Variants in OR4C11 observed in about 807,000 individuals in gnomAD.
OR4C11 encodes olfactory receptor 4C11.
A neutral mutation model predicts 14.7 loss-of-function variants in OR4C11; 15 were observed. That is an observed-to-expected ratio of 1.02 (90% CI 0.68 to 1.58). The LOEUF (loss-of-function observed/expected upper bound fraction) is 1.58. Ranked by LOEUF, OR4C11 falls within the 40% of genes most tolerant of loss-of-function variation. The pLI, the probability that OR4C11 is intolerant of heterozygous loss-of-function variation, is 0.00. For missense variants in OR4C11, 473 were observed against 383.0 expected, an observed-to-expected ratio of 1.24 and a Z score of -1.96; for synonymous variants, 146 against 135.0, an observed-to-expected ratio of 1.08 and a Z score of -0.57.
rs771018263 is a variant in OR4C11 at position 55,604,165 on chromosome 11, C to T, written c.209G>A (p.Cys70Tyr). 8.2e-6 allele frequency: 12 copies of T among 1,470,524 alleles called. 1 individual carries two copies. The African/African-American group carries it at 1.5e-4, about 19-fold the overall frequency. The allele number at this position is 1,470,524 out of a possible 1,614,324, so 91.1% of individuals were successfully genotyped here. ...TCTAGGGGCTGTGGAAGTTGAAAAG[C>T]AAGAATCTGCAAAGGACAAATAAAA... is the stretch of plus-strand genomic sequence containing the variant. ...FLFYLSFADSCFSTSTAPRLI... is the reference protein window; with the variant it reads ...FLFYLSFADSYFSTSTAPRLI... Residue 70 changes from cysteine (C) to tyrosine (Y), a missense_variant, in exon 4 of 4, where the codon TGC becomes TAC. By Grantham distance (194) the Cys-to-Tyr change is radical (BLOSUM62 -2). Transcript: ENST00000641580.
Position 55,604,222 on chromosome 11 carries a change from C to G in OR4C11, c.152G>C (p.Arg51Pro). Reference sequence around the variant, plus strand: ...GAAGTACATGGGGCTTCCTAGTGTCCGGCTGGACTTGATGGTCACAATAAT... The same window carrying G: ...GAAGTACATGGGGCTTCCTAGTGTCGGGCTGGACTTGATGGTCACAATAAT... ...MLIIVTIKSS[R>P]TLGSPMYFFL... Residue 51 changes from arginine (R) to proline (P), a missense_variant, in exon 4 of 4, where the codon CGG (arginine) becomes CCG (proline). Physicochemically the swap from Arg to Pro is moderately radical, Grantham distance 103. Transcript: ENST00000641580. 2.0e-6 allele frequency: 3 copies of G among 1,479,466 alleles called. No homozygotes were observed. Among genetic ancestry groups the G allele is most frequent in the East Asian group, 2.6e-5 (1 of 38,728 alleles). 91.6% of individuals were successfully genotyped at this position (1,479,466 alleles called of 1,614,324 possible). A position where few individuals can be genotyped will look rare whatever the true frequency, so the allele number is the denominator to read the frequency against.
chr11:55,604,974 A>G (rs1857941179), intron 3 of OR4C11, among the ~76,000 whole-genome samples, 152 bp downstream of exon 3: 1 of 138,254 alleles, frequency 7.2e-6, no homozygotes. Flanking sequence ...ATTTACATGT[A>G]TGTGGGTGTG....
intron 2 of OR4C11, among the ~76,000 whole-genome samples, chr11:55,605,594 A>T (rs1310822602): frequency 7.2e-6 from 1 of 138,842 alleles, no homozygotes; most frequent in African/African-American, 2.5e-5. Context: ...AAAAATTAAA[A>T]GGGAAGTGTC....
In OR4C11 at chr11:55,604,375, G is replaced by C; in HGVS notation, c.-2C>G. On this transcript the variant is annotated 5_prime_UTR_variant, in exon 4 of 4. Coordinates refer to ENST00000641580, the MANE Select transcript of OR4C11 (RefSeq NM_001004700.3). The stretch of plus-strand genomic sequence containing the variant: ...AGGCACACTGTTATTTTGCTGCATT[G>C]TTTCAGTTGATGTGAAGAAACCACA... The C allele has an allele frequency of 2.4e-6, 3 of 1,240,424 alleles. 1 individual carries two copies. 76.8% of individuals were successfully genotyped at this position (1,240,424 alleles called of 1,614,324 possible).
At position 55,603,033 on chromosome 11, in the gene OR4C11, TG is replaced by T; in HGVS notation, c.*407del. On this transcript the variant is annotated 3_prime_UTR_variant, in exon 4 of 4. Coordinates refer to ENST00000641580, the MANE Select transcript of OR4C11 (RefSeq NM_001004700.3). ...AGTTCACAACCAGCAATGGCAGAATTGGGCTCTTAGGAAAAGGAAGAGCCAA... is the reference window on the plus strand; with the variant it reads ...AGTTCACAACCAGCAATGGCAGAATTGGCTCTTAGGAAAAGGAAGAGCCAA... The T allele has an allele frequency of 6.9e-6, 1 of 145,260 alleles. No individual in the cohort carries two copies. The highest frequency in any genetic ancestry group is 1.5e-5 in the Non-Finnish European group (1 of 66,340). The allele number at this position is 145,260 out of a possible 1,614,324, so 9.0% of individuals were successfully genotyped here.
At chr11:55,605,535 A>T (rs1046274372) in intron 2 of OR4C11, among the ~76,000 whole-genome samples, 1 of 138,700 alleles carries the variant, frequency 7.2e-6, no homozygotes, top group Non-Finnish European at 1.6e-5. Context: ...TATTGAACAA[A>T]TTTTTCCATA....
rs1857935259 is a variant in OR4C11, at chr11:55,604,464, C to T, written c.-44-47G>A. On this transcript the variant is annotated intron_variant, in intron 3 of 3. Coordinates refer to ENST00000641580, the MANE Select transcript of OR4C11 (RefSeq NM_001004700.3). The stretch of plus-strand genomic sequence containing the variant: ...AGATTCTAAATTTAGAGGTCAAATA[C>T]ATATTCTTGCAATGAAATTGCAACT... 3.0e-5 allele frequency: 16 copies of T among 528,066 alleles called. 2 individuals carry two copies. The highest frequency in any genetic ancestry group is 4.4e-5 in the Non-Finnish European group (14 of 320,086). The allele number at this position is 528,066 out of a possible 1,614,324, so 32.7% of individuals were successfully genotyped here.
rs1857938810 is a variant in OR4C11 at position 55,604,731 on chromosome 11, G to A, written c.-44-314C>T. Among the ~76,000 whole-genome samples the A allele has an allele frequency of 1.5e-5, 2 of 137,722 alleles. 1 individual carries two copies. The highest frequency in any genetic ancestry group is 3.2e-5 in the Non-Finnish European group (2 of 61,920). The allele number at this position is 137,722 out of a possible 152,430, so 90.4% of individuals were successfully genotyped here. On this transcript the variant is annotated intron_variant, in intron 3 of 3. Transcript: ENST00000641580. ...CAAACAAAGTAAACATTAATTTAGG[G>A]GTTTGGTATGAGTAGGTGTCTTCTG... is the stretch of plus-strand genomic sequence containing the variant.
chr11:55,604,982 G>A (rs1857941325), intron 3 of OR4C11, 144 bp downstream of exon 3: 1 of 137,904 alleles, frequency 7.3e-6, no homozygotes, highest in African/African-American at 2.5e-5. Flanking sequence ...GTATGTGGGT[G>A]TGTGTGCACA....
Position 55,604,340 on chromosome 11 carries a change from G to C in OR4C11, c.34C>G (p.Leu12Val). The C allele has an allele frequency of 7.2e-7, 1 of 1,391,104 alleles. No individual in the cohort carries two copies. Among genetic ancestry groups the C allele is most frequent in the South Asian group, 1.3e-5 (1 of 76,096 alleles). 86.2% of individuals were successfully genotyped at this position (1,391,104 alleles called of 1,614,324 possible). A position where few individuals can be genotyped will look rare whatever the true frequency, so the allele number is the denominator to read the frequency against. ...AAGGGATCCTGTGTTAATCCTAACA[G>C]TATGAATTCAGGCACACTGTTATTT... ...QQNNSVPEFI[L>V]LGLTQDPLRQ... Residue 12 changes from leucine to valine, a missense_variant, in exon 4 of 4, where the codon CTG becomes GTG. Leu to Val is a conservative substitution (Grantham distance 32). Coordinates refer to ENST00000641580, the MANE Select transcript of OR4C11 (RefSeq NM_001004700.3).
chr11:55,603,418 A>G lies in OR4C11; in HGVS notation c.*23T>C. On this transcript the variant is annotated 3_prime_UTR_variant, in exon 4 of 4. Transcript: ENST00000641580. Reference sequence around the variant, plus strand: ...TGTTAAATCATGATTTGACTGAAAAAGTAATCAGGTCAGGCCCTCAATTTA... The same window carrying G: ...TGTTAAATCATGATTTGACTGAAAAGGTAATCAGGTCAGGCCCTCAATTTA... The G allele has an allele frequency of 1.7e-6, 2 of 1,152,500 alleles. 1 individual carries two copies. The highest frequency in any genetic ancestry group is 2.4e-6 in the Non-Finnish European group (2 of 826,418). The allele number at this position is 1,152,500 out of a possible 1,614,324, so 71.4% of individuals were successfully genotyped here. A position where few individuals can be genotyped will look rare whatever the true frequency, so the allele number is the denominator to read the frequency against.
Position 55,606,215 on chromosome 11 carries a change from C to A in OR4C11, c.-207+307G>T, listed in dbSNP as rs542868681. On this transcript the variant is annotated intron_variant, in intron 2 of 3. Coordinates refer to ENST00000641580, the MANE Select transcript of OR4C11 (RefSeq NM_001004700.3). ...GTGTTTATATGCACACGCACGCACA[C>A]ACACACACACACAAAATTGTCCCTG... is the stretch of plus-strand genomic sequence containing the variant. Among the ~76,000 whole-genome samples the A allele has an allele frequency of 2.3e-4, 32 of 137,706 alleles. 4 individuals carry two copies. Among genetic ancestry groups the A allele is most frequent in the African/African-American group, 8.1e-4 (32 of 39,618 alleles). The allele number at this position is 137,706 out of a possible 152,430, so 90.3% of individuals were successfully genotyped here. A position where few individuals can be genotyped will look rare whatever the true frequency, so the allele number is the denominator to read the frequency against.
In OR4C11 at chr11:55,604,271, C is replaced by T. The variant is rs61737219; in HGVS notation, c.103G>A (p.Gly35Arg). 239 of 1,436,658 alleles carry T rather than the reference C, an allele frequency of 1.7e-4. 25 individuals are homozygous for T. In the African/African-American group the frequency reaches 2.8e-3, roughly 17 times the overall value. 89.0% of individuals were successfully genotyped at this position (1,436,658 alleles called of 1,614,324 possible). ...VFVIFLIFYMGTVVGNMLIIV... is the reference protein window; with the variant it reads ...VFVIFLIFYMRTVVGNMLIIV... ...ATGAGCATATTCCCCACCACAGTTC[C>T]CATATAGAAAATTAAGAAGATTACA... is the stretch of plus-strand genomic sequence containing the variant. Residue 35 changes from glycine to arginine, a missense_variant, in exon 4 of 4, where the codon GGA becomes AGA. Gly to Arg is a moderately radical substitution (Grantham distance 125). Transcript: ENST00000641580.
At position 55,603,745 on chromosome 11, in the gene OR4C11, A is replaced by C; in HGVS notation, c.629T>G (p.Met210Arg). 6.7e-7 allele frequency: 1 copy of C among 1,491,884 alleles called. No individual in the cohort carries two copies. Among genetic ancestry groups the C allele is most frequent in the Non-Finnish European group, 9.1e-7 (1 of 1,096,652 alleles). The allele number at this position is 1,491,884 out of a possible 1,614,324, so 92.4% of individuals were successfully genotyped here. Residue 210 changes from methionine to arginine, a missense_variant, in exon 4 of 4, where the codon ATG becomes AGG. Transcript: ENST00000641580. ...NSGAICSSSF[M>R]ILIISYIVIL... The stretch of plus-strand genomic sequence containing the variant: ...GACAATATATGAAATTATCAAAATC[A>C]TGAAACTACTTGAGCAAATTGCCCC...
At chr11:55,606,398 G>A (rs367688747) in intron 2 of OR4C11, 124 bp downstream of exon 2, 1 of 138,236 alleles carries the variant, frequency 7.2e-6, no homozygotes, top group Non-Finnish European at 1.6e-5. Context: ...ACTCTGAGCG[G>A]GGAAATTGCA....
At position 55,603,368 on chromosome 11, in the gene OR4C11, T is replaced by C. The variant is rs1325451928; in HGVS notation, c.*73A>G. The stretch of plus-strand genomic sequence containing the variant: ...TTATTCCCACAGCATTCAGGTACTT[T>C]CCTATTTGCTGTCTATACTTACTCT... On this transcript the variant is annotated 3_prime_UTR_variant, in exon 4 of 4. Transcript: ENST00000641580. The C allele has an allele frequency of 1.2e-5, 9 of 734,430 alleles. 2 individuals are homozygous for C. The highest frequency in any genetic ancestry group is 1.2e-4 in the African/African-American group (7 of 57,270). The allele number at this position is 734,430 out of a possible 1,614,324, so 45.5% of individuals were successfully genotyped here.
In OR4C11 at chr11:55,604,175, C is replaced by T. The variant is rs189794882; in HGVS notation, c.199G>A (p.Ala67Thr). The stretch of plus-strand genomic sequence containing the variant: ...GTGGAAGTTGAAAAGCAAGAATCTG[C>T]AAAGGACAAATAAAATAGAAAGAAG... ...MYFFLFYLSF[A>T]DSCFSTSTAP... The change falls in exon 4 of 4, where the codon GCA (alanine) becomes ACA (threonine). Residue 67 changes from alanine (A) to threonine (T), a missense_variant. Ala to Thr is a moderately conservative substitution (Grantham distance 58). Transcript: ENST00000641580. 7.3e-4 allele frequency: 1,079 copies of T among 1,474,234 alleles called. 227 individuals carry two copies. Among genetic ancestry groups the T allele is most frequent in the Middle Eastern group, 1.2e-3 (6 of 5,214 alleles). The allele number at this position is 1,474,234 out of a possible 1,614,324, so 91.3% of individuals were successfully genotyped here. A position where few individuals can be genotyped will look rare whatever the true frequency, so the allele number is the denominator to read the frequency against.
rs1460722162 is a variant in OR4C11 at position 55,603,288 on chromosome 11, C to A, written c.*153G>T. ...ACAAAAGACAATGTCTTGGTAGTCA[C>A]AACTCCTGTTAACTAGAAAACATAG... On this transcript the variant is annotated 3_prime_UTR_variant, in exon 4 of 4. Transcript: ENST00000641580. The A allele has an allele frequency of 4.1e-6, 2 of 484,858 alleles. No homozygotes were observed. The highest frequency in any genetic ancestry group is 2.0e-5 in the African/African-American group (1 of 51,150). 30.0% of individuals were successfully genotyped at this position (484,858 alleles called of 1,614,324 possible).
intron 2 of OR4C11, among the ~76,000 whole-genome samples, chr11:55,606,184 A>G (rs1365241244): frequency 7.6e-6 from 1 of 132,282 alleles, no homozygotes; most frequent in Non-Finnish European, 1.7e-5. Flanking sequence ...AGATACAGAT[A>G]GCTGTGTGTT....
Sources: allele counts gnomAD v4.1 joint callset (sites outside exome capture counted in the v4.1 genomes callset), GRCh38; gene constraint gnomAD v4.1.1; transcripts MANE v1.5; gene names NCBI Gene and HGNC (gene_info 2026-07-23, HGNC 2026-07-21).